GDPD1: variants seen among roughly 807,000 people sequenced by gnomAD.
GDPD1 encodes lysophospholipase D GDPD1.
In GDPD1, 28 loss-of-function variants were observed where a neutral mutation model predicts 45.1. That is an observed-to-expected ratio of 0.62 (90% confidence interval 0.46 to 0.85). GDPD1 has a LOEUF of 0.85. Among genes scored for constraint, GDPD1 ranks in the 40% least tolerant of loss-of-function variants. The pLI is 0.00. For missense variants in GDPD1, 256 were observed against 364.8 expected, an observed-to-expected ratio of 0.70 and a Z score of 2.43; for synonymous variants, 139 against 131.4, an observed-to-expected ratio of 1.06 and a Z score of -0.40.
rs774326469 is a variant in GDPD1, at chr17:59,220,734, A to C, written c.125A>C (p.His42Pro). The change falls in exon 1 of 10, where the codon CAC becomes CCC. Residue 42 changes from histidine (H) to proline (P), a missense_variant. By Grantham distance (77) the His-to-Pro change is moderately conservative. Coordinates refer to ENST00000284116, the MANE Select transcript of GDPD1 (RefSeq NM_182569.4). ...QRKKQRFLSK[H>P]ISHRGGAGEN... ...AAGAAGCAGCGATTCCTCAGTAAAC[A>C]CATCTCTCACCGCGGAGGTGAGAGG... 6.2e-7 allele frequency: 1 copy of C among 1,613,650 alleles called. No individual in the cohort carries two copies. Among genetic ancestry groups the C allele is most frequent in the Non-Finnish European group, 8.5e-7 (1 of 1,179,976 alleles).
chr17:59,255,850 T>TATATATATATATAC (rs1158828340), intron 4 of GDPD1, among the ~76,000 whole-genome samples: 1 of 74,310 alleles, frequency 1.3e-5, no homozygotes, highest in Non-Finnish European at 2.3e-5. Flanking sequence ...TATATATATA[T>TATATATATATATAC]ACACACGTAT....
chr17:59,237,277 T>C (rs1358319875), intron 2 of GDPD1, among the ~76,000 whole-genome samples: 1 of 152,024 alleles, frequency 6.6e-6, no homozygotes, highest in African/African-American at 2.4e-5. Flanking sequence ...TGGTGCAAGC[T>C]GTAGTCACAG....
rs1268022940 is a variant in GDPD1, at chr17:59,230,610, G to A, written c.143-3882G>A. Reference sequence around the variant, plus strand: ...TTCGTCAGGCTGGTCTTGAACTCCCGACCTCAGGTGATCCGCCTGCCTCAG... The same window carrying A: ...TTCGTCAGGCTGGTCTTGAACTCCCAACCTCAGGTGATCCGCCTGCCTCAG... On this transcript the variant is annotated intron_variant, in intron 1 of 9. Transcript: ENST00000284116. 2.0e-5 allele frequency among the ~76,000 whole-genome samples: 3 copies of A among 151,914 alleles called. 1 individual carries two copies. The highest frequency in any genetic ancestry group is 4.2e-4 in the South Asian group (2 of 4,814).
At chr17:59,240,409 CGAAA>C (rs973298849) in intron 2 of GDPD1, among the ~76,000 whole-genome samples, 14 of 151,870 alleles carry the variant, frequency 9.2e-5, no homozygotes, top group Admixed American at 2.6e-4. Context: ...GGTATTATTA[CGAAA>C]GAGTCAAGTT....
chr17:59,241,571 G>T (rs1282957973), intron 2 of GDPD1, among the ~76,000 whole-genome samples: 1 of 151,960 alleles, frequency 6.6e-6, no homozygotes, highest in Non-Finnish European at 1.5e-5. Context: ...TGCCGCCTTG[G>T]CCTCCCAAAG....
chr17:59,250,230 G>C (rs1255381783), intron 4 of GDPD1, among the ~76,000 whole-genome samples: 2 of 152,062 alleles, frequency 1.3e-5, no homozygotes, highest in Non-Finnish European at 2.9e-5. Context: ...TGTAATATTT[G>C]TGTCAATTTT....
Position 59,267,055 on chromosome 17 carries a change from T to A in GDPD1, c.591T>A (p.Pro197=). ...EKCYKENSDI[P]ILFSLQRVLL... ...GTGTCTTTTAGAATTCAGATATTCC[T>A]ATACTCTTCAGTCTACAACGTGTCC... Residue 197 remains proline (P), a synonymous_variant, in exon 7 of 10, where the codon CCT becomes CCA. Coordinates refer to ENST00000284116, the MANE Select transcript of GDPD1 (RefSeq NM_182569.4). The A allele has an allele frequency of 6.2e-7, 1 of 1,611,922 alleles. No individual in the cohort carries two copies. Among genetic ancestry groups the A allele is most frequent in the Non-Finnish European group, 8.5e-7 (1 of 1,178,150 alleles).
intron 1 of GDPD1, among the ~76,000 whole-genome samples, chr17:59,231,071 G>A (rs1047137741): frequency 6.6e-6 from 1 of 152,108 alleles, no homozygotes; most frequent in African/African-American, 2.4e-5. Flanking sequence ...GGGTCACCAG[G>A]GACATCTTTT....
At chr17:59,235,377 A>G (rs547607869) in intron 2 of GDPD1, among the ~76,000 whole-genome samples, 9 of 152,170 alleles carry the variant, frequency 5.9e-5, no homozygotes, top group African/African-American at 2.2e-4. Flanking sequence ...TATTTTTCCT[A>G]TTATTATTAG....
chr17:59,236,917 TTAG>T (rs2047136524), intron 2 of GDPD1, among the ~76,000 whole-genome samples: 1 of 152,192 alleles, frequency 6.6e-6, no homozygotes, highest in Non-Finnish European at 1.5e-5. Context: ...TTTTTCGTTG[TTAG>T]TGGTGGTGGT....
At chr17:59,242,602 A>G (rs1272455477) in intron 2 of GDPD1, among the ~76,000 whole-genome samples, 1 of 152,152 alleles carries the variant, frequency 6.6e-6, no homozygotes, top group Non-Finnish European at 1.5e-5. Flanking sequence ...ATTTTACATC[A>G]ATAAAATCAT....
chr17:59,238,881 A>T lies in GDPD1; in HGVS notation c.185+4347A>T, dbSNP rs544143770. On this transcript the variant is annotated intron_variant, in intron 2 of 9. Coordinates refer to ENST00000284116, the MANE Select transcript of GDPD1 (RefSeq NM_182569.4). ...CATTAGCAAAAGACTGATGAAGGAG[A>T]CAGAGCCTCCTTCATAGTAAAGCAC... Among the ~76,000 whole-genome samples, 5 of 152,286 alleles carry T rather than the reference A, an allele frequency of 3.3e-5. No individual in the cohort carries two copies. The East Asian group carries it at 9.6e-4, about 29-fold the overall frequency.
At chr17:59,230,851 CTT>C (rs1478870724) in intron 1 of GDPD1, among the ~76,000 whole-genome samples, 2 of 152,216 alleles carry the variant, frequency 1.3e-5, no homozygotes, top group Non-Finnish European at 2.9e-5. Flanking sequence ...AAACAACACT[CTT>C]TTGGCATTAT....
At chr17:59,273,406 G>A (rs2047458203) in intron 9 of GDPD1, among the ~76,000 whole-genome samples, 1 of 152,166 alleles carries the variant, frequency 6.6e-6, no homozygotes, top group Non-Finnish European at 1.5e-5. Context: ...GGAATTACAG[G>A]CGTGAGCCAC....
chr17:59,231,153 T>C lies in GDPD1; in HGVS notation c.143-3339T>C, dbSNP rs568043605. 2.7e-3 allele frequency among the ~76,000 whole-genome samples: 404 copies of C among 152,270 alleles called. 5 individuals carry two copies. The Middle Eastern group carries it at 0.031, about 12-fold the overall frequency. On this transcript the variant is annotated intron_variant, in intron 1 of 9. Coordinates refer to ENST00000284116, the MANE Select transcript of GDPD1 (RefSeq NM_182569.4). ...CTGGCAAGTTGGACTGGATGACAAC[T>C]GCAAGATTTTGTTACTCCTTGATAA...
chr17:59,260,180 G>A (rs1239343727), intron 6 of GDPD1, among the ~76,000 whole-genome samples: 5 of 141,100 alleles, frequency 3.5e-5, no homozygotes, highest in Non-Finnish European at 4.5e-5. Flanking sequence ...GATCATGCAA[G>A]ATCATGATTA....
At position 59,273,752 on chromosome 17, in the gene GDPD1, T is replaced by G; in HGVS notation, c.924T>G (p.Phe308Leu). 4.4e-6 allele frequency: 7 copies of G among 1,574,496 alleles called. No individual in the cohort carries two copies. Among genetic ancestry groups the G allele is most frequent in the Non-Finnish European group, 6.0e-6 (7 of 1,160,906 alleles). ...MTDYPTKLRD[F>L]LHNFSA ...ACTATCCAACAAAGCTTAGGGATTT[T>G]TTACATAACTTTTCAGCATAGAAAA... Residue 308 changes from phenylalanine (F) to leucine (L), a missense_variant, in exon 10 of 10, where the codon TTT becomes TTG. By Grantham distance (22) the Phe-to-Leu change is conservative. Transcript: ENST00000284116.
intron 4 of GDPD1, 121 bp from the exon 5 acceptor site, chr17:59,257,001 C>T: frequency 2.2e-6 from 1 of 460,150 alleles, no homozygotes. Context: ...TGATTTTTTT[C>T]TTCTCTATAC....
At chr17:59,245,655 A>G in intron 3 of GDPD1, 106 bp downstream of exon 3, 1 of 820,570 alleles carries the variant, frequency 1.2e-6, no homozygotes, top group Admixed American at 3.0e-5. Context: ...TTATTTAAAT[A>G]CTGATTAAAT....
Sources: allele counts gnomAD v4.1 joint callset (sites outside exome capture counted in the v4.1 genomes callset), GRCh38; gene constraint gnomAD v4.1.1; transcripts MANE v1.5; gene names NCBI Gene and HGNC (gene_info 2026-07-23, HGNC 2026-07-21).